The following NT5DC4 variants were observed in gnomAD, a reference collection of about 807,000 sequenced individuals.
The protein encoded by NT5DC4 is 5'-nucleotidase domain-containing protein 4.
Under a neutral mutation model 26.6 loss-of-function variants are expected in NT5DC4, and 44 were observed. That is an observed-to-expected ratio of 1.65 (90% CI 1.30 to 2.13). The LOEUF is 2.13. Ranked by LOEUF, NT5DC4 falls within the 30% of genes most tolerant of loss-of-function variation. The probability of loss-of-function intolerance (pLI) is 0.00; values close to 1 mark genes in which losing one functional copy is unlikely to be tolerated. For missense variants in NT5DC4, 399 were observed against 228.1 expected (o/e 1.75, Z -4.83); for synonymous variants, 157 against 86.7 (o/e 1.81, Z -4.51).
In NT5DC4 at chr2:112,738,927, C is replaced by A; in HGVS notation, c.1359C>A (p.Ser453Arg). The stretch of plus-strand genomic sequence containing the variant: ...ACTTCTAACAGTTCATCAAGAGAAG[C>A]CACTACTAAATCGTGTTCCTGCAGC... ...LSCNQRFIKR[S>R]HY is the part of the protein sequence containing the mutation. Residue 453 changes from serine (S) to arginine (R), a missense_variant, in exon 17 of 17, where the codon AGC becomes AGA. Transcript: ENST00000688554. 1 of 1,614,074 alleles carries A rather than the reference C, an allele frequency of 6.2e-7. No homozygotes were observed. Among genetic ancestry groups the A allele is most frequent in the Non-Finnish European group, 8.5e-7 (1 of 1,179,966 alleles).
At chr2:112,740,388 T>A (rs1276191010), downstream of NT5DC4, among the ~76,000 whole-genome samples, 1 of 152,236 alleles carries the variant, frequency 6.6e-6, no homozygotes, top group African/African-American at 2.4e-5. Flanking sequence ...CTTAAATTAC[T>A]ATGGATTCTG....
chr2:112,740,617 G>C (rs562994859), downstream of NT5DC4, among the ~76,000 whole-genome samples: 14 of 152,282 alleles, frequency 9.2e-5, no homozygotes, highest in African/African-American at 3.4e-4. Flanking sequence ...GATAGGATCT[G>C]CAAGTGCAGG....
upstream of NT5DC4, among the ~76,000 whole-genome samples, chr2:112,719,631 A>G: frequency 6.6e-6 from 1 of 151,554 alleles, no homozygotes; most frequent in South Asian, 2.1e-4. Context: ...GATTACAGGC[A>G]TGCGCAACCA....
chr2:112,739,795 C>A (rs565130672), downstream of NT5DC4, among the ~76,000 whole-genome samples: 1 of 152,238 alleles, frequency 6.6e-6, no homozygotes, highest in East Asian at 1.9e-4. Flanking sequence ...GGTGGGAGCA[C>A]AAACGTATGC....
intron 9 of NT5DC4, 29 bp from the exon 10 acceptor site, chr2:112,724,065 G>C: frequency 1.4e-6 from 1 of 717,038 alleles, no homozygotes; most frequent in South Asian, 1.5e-5. Flanking sequence ...CCCAAGCTTG[G>C]TGCCCTGACG....
intron 9 of NT5DC4, 56 bp downstream of exon 9, chr2:112,723,858 A>C (rs1163180219): frequency 1.4e-6 from 1 of 696,082 alleles, no homozygotes; most frequent in Non-Finnish European, 2.7e-6. Flanking sequence ...CCCAGGGGAC[A>C]CAGTGGCACT....
intron 13 of NT5DC4, 29 bp from the exon 14 acceptor site, chr2:112,726,209 A>G: frequency 1.4e-6 from 1 of 716,944 alleles, no homozygotes; most frequent in Non-Finnish European, 2.6e-6. Flanking sequence ...GCCGTCACTC[A>G]CCCCCACTGA....
intron 15 of NT5DC4, among the ~76,000 whole-genome samples, chr2:112,729,005 T>A (rs746514534): frequency 6.6e-6 from 1 of 152,248 alleles, no homozygotes; most frequent in Non-Finnish European, 1.5e-5. Context: ...CATAGCCCTC[T>A]GTGCTGGTAG....
upstream of NT5DC4, among the ~76,000 whole-genome samples, chr2:112,719,930 CTTTCTTTCTT>C (rs1297660502): frequency 2.1e-3 from 100 of 47,164 alleles, 1 homozygote; most frequent in Admixed American, 6.7e-3. Context: ...CTTTCTCTTT[CTTTCTTTCTT>C]TCTTTCTTTC....
chr2:112,725,506 G>C lies in NT5DC4; in HGVS notation c.1107G>C (p.Val369=), dbSNP rs1283493902. ...GTCAGGGCTGGCGGACTTGCCTGGT[G>C]GTTCCTGAGCTGTCCTGGGAGCTGG... ...KKRQGWRTCL[V]VPELSWELDI... is the part of the protein sequence containing the mutation. Residue 369 remains valine (V), a synonymous_variant, in exon 13 of 17, where the codon GTG becomes GTC. Transcript: ENST00000688554. 4.2e-6 allele frequency: 3 copies of C among 716,764 alleles called. No individual in the cohort carries two copies. Among genetic ancestry groups the C allele is most frequent in the Non-Finnish European group, 7.8e-6 (3 of 384,840 alleles). 44.4% of individuals were successfully genotyped at this position (716,764 alleles called of 1,614,324 possible). A position where few individuals can be genotyped will look rare whatever the true frequency, so the allele number is the denominator to read the frequency against.
At chr2:112,735,855 A>G (rs1553437765) in intron 16 of NT5DC4, among the ~76,000 whole-genome samples, 2 of 152,206 alleles carry the variant, frequency 1.3e-5, no homozygotes, top group Admixed American at 6.5e-5. Context: ...TTTGAAACTT[A>G]TAATTATTAG....
chr2:112,729,060 AC>A (rs903529861), intron 15 of NT5DC4, among the ~76,000 whole-genome samples: 2 of 151,904 alleles, frequency 1.3e-5, no homozygotes, highest in African/African-American at 4.8e-5. Context: ...GAACACACCA[AC>A]CCCCCATCCC....
chr2:112,721,698 T>C (rs1676882848), intron 1 of NT5DC4, 120 bp from the exon 2 acceptor site: 1 of 715,010 alleles, frequency 1.4e-6, no homozygotes, highest in Non-Finnish European at 2.6e-6. Context: ...TCCCCTGTGC[T>C]TTCTGCAGCT....
Position 112,729,025 on chromosome 2 carries a change from TTAAAG to T in NT5DC4, c.1267-599_1267-595del, listed in dbSNP as rs1678126337. Among the ~76,000 whole-genome samples the T allele has an allele frequency of 3.3e-5, 5 of 152,342 alleles. No individual in the cohort carries two copies. The South Asian group carries it at 1.0e-3, about 32-fold the overall frequency. ...CCCTCTGTGCTGGTAGATATTATTG[TTAAAG>T]TAGAGACCAGACAGGTGAAGAACAC... On this transcript the variant is annotated intron_variant, in intron 15 of 16. Transcript: ENST00000688554.
chr2:112,728,092 G>T (rs962918713), intron 15 of NT5DC4, among the ~76,000 whole-genome samples: 4 of 152,244 alleles, frequency 2.6e-5, no homozygotes, highest in African/African-American at 9.6e-5. Flanking sequence ...CCCACCTTCA[G>T]ACTCAGTGGG....
intron 16 of NT5DC4, among the ~76,000 whole-genome samples, chr2:112,734,361 AGCTTG>A (rs986022865): frequency 5.3e-5 from 8 of 152,346 alleles, no homozygotes; most frequent in African/African-American, 1.4e-4. Context: ...CATTGGACAT[AGCTTG>A]CTCTCTCCAA....
At chr2:112,719,840 T>TTCCCTTCCTCCCTCCC (rs1676657336), upstream of NT5DC4, among the ~76,000 whole-genome samples, 1 of 78,334 alleles carries the variant, frequency 1.3e-5, no homozygotes, top group Non-Finnish European at 2.8e-5. Context: ...CCTTCCTTCC[T>TTCCCTTCCTCCCTCCC]TCCCTCCCTC....
downstream of NT5DC4, among the ~76,000 whole-genome samples, chr2:112,741,992 G>A (rs1326904799): frequency 9.1e-6 from 1 of 109,982 alleles, no homozygotes; most frequent in East Asian, 2.8e-4. Context: ...GTTTCACCAC[G>A]TTGGTCAGGC....
At chr2:112,734,284 T>C (rs1181530863) in intron 16 of NT5DC4, among the ~76,000 whole-genome samples, 1 of 151,906 alleles carries the variant, frequency 6.6e-6, no homozygotes, top group Non-Finnish European at 1.5e-5. Context: ...TATTGGTTCA[T>C]ATAACTAAAA....
Sources: gnomAD v4.1 joint callset for allele counts (sites outside exome capture counted in the v4.1 genomes callset) on GRCh38, gnomAD v4.1.1 for gene constraint, MANE v1.5 for transcripts, NCBI Gene and HGNC (gene_info 2026-07-23, HGNC 2026-07-21) for gene names.